Variants in UGGT2 observed in about 807,000 individuals in gnomAD.
UGGT2 encodes the protein UDP-glucose glycoprotein glucosyltransferase 2, also known as UDP-glucose:glycoprotein glucosyltransferase 2.
Under a neutral mutation model 192.1 loss-of-function variants are expected in UGGT2, and 180 were observed. The observed-to-expected ratio is 0.94, with a 90% confidence interval of 0.83 to 1.06. The LOEUF (loss-of-function observed/expected upper bound fraction) is 1.06, where lower values mean the gene tolerates loss of function less well. Among genes scored for constraint, UGGT2 ranks in the 50% least tolerant of loss-of-function variants. The pLI is 0.00. For synonymous variants in UGGT2, 580 were observed against 591.0 expected (o/e 0.98, Z 0.27); for missense variants, 1,849 against 1,795.7 (o/e 1.03, Z -0.54).
At chr13:95,843,593 T>A (rs1225542978) in intron 36 of UGGT2, among the ~76,000 whole-genome samples, 2 of 152,206 alleles carry the variant, frequency 1.3e-5, no homozygotes, top group South Asian at 2.1e-4. Flanking sequence ...TCTAAACATT[T>A]TATATTGTAC....
chr13:95,877,215 T>C, intron 29 of UGGT2, 64 bp downstream of exon 29: 1 of 1,280,986 alleles, frequency 7.8e-7, no homozygotes, highest in Non-Finnish European at 1.1e-6. Flanking sequence ...TTTGATTCTC[T>C]TGGTTGTATT....
At chr13:95,953,924 T>C (rs2140648229) in intron 12 of UGGT2, among the ~76,000 whole-genome samples, 1 of 152,314 alleles carries the variant, frequency 6.6e-6, no homozygotes, top group African/African-American at 2.4e-5. Flanking sequence ...AAAGAACTTT[T>C]AGTGTTTGTG....
At chr13:95,859,528 C>T (rs1889950627) in intron 33 of UGGT2, 63 bp downstream of exon 33, 4 of 1,270,460 alleles carry the variant, frequency 3.1e-6, no homozygotes, top group Middle Eastern at 3.9e-4. Context: ...TATAAACTTA[C>T]AATGATACAA....
In UGGT2 at chr13:95,887,639, A is replaced by G. The variant is rs115585838; in HGVS notation, c.3038+253T>C. On this transcript the variant is annotated intron_variant, in intron 26 of 38. Coordinates refer to ENST00000376747, the MANE Select transcript of UGGT2 (RefSeq NM_020121.4). ...ATAGGTATTCCTAAATCACATTTCCAAAAATACCTATGAATAAATATAAAT... is the reference window on the plus strand; with the variant it reads ...ATAGGTATTCCTAAATCACATTTCCGAAAATACCTATGAATAAATATAAAT... Among the ~76,000 whole-genome samples, 1,449 of 152,296 alleles carry G rather than the reference A, an allele frequency of 9.5e-3. 31 individuals carry two copies. Among genetic ancestry groups the G allele is most frequent in the African/African-American group, 0.031 (1,308 of 41,564 alleles).
At chr13:96,034,024 G>T (rs562871268) in intron 1 of UGGT2, among the ~76,000 whole-genome samples, 1 of 152,108 alleles carries the variant, frequency 6.6e-6, no homozygotes, top group African/African-American at 2.4e-5. Flanking sequence ...GAGAACGTAC[G>T]GTGTTTTTGT....
intron 36 of UGGT2, among the ~76,000 whole-genome samples, chr13:95,847,554 G>C (rs566652698): frequency 6.6e-6 from 1 of 152,202 alleles, no homozygotes; most frequent in South Asian, 2.1e-4. Context: ...GAATAATACA[G>C]TATGTAATCT....
At chr13:95,907,970 G>A (rs184165939) in intron 20 of UGGT2, among the ~76,000 whole-genome samples, 3 of 152,210 alleles carry the variant, frequency 2.0e-5, no homozygotes, top group East Asian at 3.9e-4. Context: ...AAGGATATTC[G>A]AACCCATCTC....
At chr13:95,981,984 G>A (rs758443321) in intron 10 of UGGT2, among the ~76,000 whole-genome samples, 1 of 152,164 alleles carries the variant, frequency 6.6e-6, no homozygotes, top group Non-Finnish European at 1.5e-5. Context: ...GAAGTAGTAG[G>A]TGATCAAGAA....
chr13:95,967,783 T>C (rs1362791113), intron 12 of UGGT2, among the ~76,000 whole-genome samples: 1 of 152,188 alleles, frequency 6.6e-6, no homozygotes, highest in Admixed American at 6.5e-5. Context: ...GGCATAACTT[T>C]TTAAAAGGAT....
At chr13:96,005,448 CAGGT>C in intron 5 of UGGT2, among the ~76,000 whole-genome samples, 1 of 152,236 alleles carries the variant, frequency 6.6e-6, no homozygotes, top group South Asian at 2.1e-4. Flanking sequence ...CTAATGGTGA[CAGGT>C]AGAGAGGAAA....
chr13:95,822,320 C>T (rs1885591847), intron 38 of UGGT2, among the ~76,000 whole-genome samples: 5 of 152,008 alleles, frequency 3.3e-5, no homozygotes, highest in Admixed American at 2.0e-4. Context: ...AAGGGATTGA[C>T]TTCTTGATTT....
chr13:95,957,545 T>G (rs924592605), intron 12 of UGGT2, among the ~76,000 whole-genome samples: 2 of 152,274 alleles, frequency 1.3e-5, no homozygotes, highest in Non-Finnish European at 2.9e-5. Context: ...GAGACTGATA[T>G]CTGAAAGCTT....
intron 8 of UGGT2, among the ~76,000 whole-genome samples, chr13:95,987,077 T>C (rs1411653661): frequency 6.6e-6 from 1 of 152,108 alleles, no homozygotes; most frequent in Non-Finnish European, 1.5e-5. Flanking sequence ...GTGAGGCAGA[T>C]TGTTTCTCCT....
chr13:96,020,744 A>G (rs1301011480), intron 4 of UGGT2, among the ~76,000 whole-genome samples: 1 of 152,076 alleles, frequency 6.6e-6, no homozygotes, highest in Non-Finnish European at 1.5e-5. Flanking sequence ...GCCCTTACGA[A>G]CTTCCTCTTC....
rs566362164 is a variant in UGGT2 at position 95,836,898 on chromosome 13, C to T, written c.4401+188G>A. Among the ~76,000 whole-genome samples the T allele has an allele frequency of 6.4e-4, 98 of 152,324 alleles. 2 individuals carry two copies. In the Middle Eastern group the frequency reaches 0.01, roughly 16 times the overall value. On this transcript the variant is annotated intron_variant, in intron 37 of 38. Coordinates refer to ENST00000376747, the MANE Select transcript of UGGT2 (RefSeq NM_020121.4). ...TGAATCTCCTTAGTGAATCATCAAA[C>T]CTCAGGGTGGTCTTGGGGGCCCCCA...
At chr13:95,829,326 C>G (rs1886407641) in intron 38 of UGGT2, among the ~76,000 whole-genome samples, 1 of 152,112 alleles carries the variant, frequency 6.6e-6, no homozygotes, top group South Asian at 2.1e-4. Context: ...CCAGGGCAAT[C>G]AGGCAGGAGA....
intron 38 of UGGT2, among the ~76,000 whole-genome samples, chr13:95,813,389 G>A (rs1371548921): frequency 6.6e-6 from 1 of 152,188 alleles, no homozygotes; most frequent in Non-Finnish European, 1.5e-5. Flanking sequence ...GCTGCATTCT[G>A]TTTGTGCCCT....
chr13:96,028,201 C>A (rs554269551), intron 2 of UGGT2, among the ~76,000 whole-genome samples: 15 of 152,228 alleles, frequency 9.9e-5, no homozygotes, highest in Middle Eastern at 3.4e-3. Context: ...ATCAGCTTAC[C>A]GATATATTTA....
At chr13:95,833,386 T>C (rs955762791) in intron 37 of UGGT2, among the ~76,000 whole-genome samples, 9 of 152,188 alleles carry the variant, frequency 5.9e-5, no homozygotes, top group African/African-American at 2.2e-4. Context: ...AGCAGACTAG[T>C]GTGCTTTGTA....
Sources: gnomAD v4.1 joint callset for allele counts (sites outside exome capture counted in the v4.1 genomes callset) on GRCh38, gnomAD v4.1.1 for gene constraint, MANE v1.5 for transcripts, NCBI Gene and HGNC (gene_info 2026-07-23, HGNC 2026-07-21) for gene names.